Variants in PCID2 observed in about 807,000 individuals in gnomAD.
PCID2 encodes the protein PCI domain containing 2.
A neutral mutation model predicts 61.3 loss-of-function variants in PCID2; 41 were observed. The observed-to-expected ratio is 0.67, with a 90% confidence interval of 0.52 to 0.87. The LOEUF (loss-of-function observed/expected upper bound fraction) is 0.87, where lower values mean the gene tolerates loss of function less well. Among genes scored for constraint, PCID2 ranks in the 40% least tolerant of loss-of-function variants. PCID2 has a pLI of 0.00. For synonymous variants in PCID2, 187 were observed against 177.8 expected, an observed-to-expected ratio of 1.05 and a Z score of -0.41; for missense variants, 392 against 493.4, an observed-to-expected ratio of 0.79 and a Z score of 1.95.
downstream of PCID2, among the ~76,000 whole-genome samples, chr13:113,174,186 C>T (rs955492466): frequency 9.9e-5 from 15 of 151,204 alleles, no homozygotes; most frequent in African/African-American, 2.9e-4. Flanking sequence ...TGCAGTAAAC[C>T]GAGATCATGC....
chr13:113,187,297 G>C (rs751261500), intron 7 of PCID2: 1 of 152,248 alleles, frequency 6.6e-6, no homozygotes, highest in Admixed American at 6.5e-5. Flanking sequence ...CAACGGGAAA[G>C]AGATGTCACT....
chr13:113,200,696 C>CTTTTTTTTTTTT (rs998821979), intron 1 of PCID2, 180 bp from the exon 2 acceptor site: 1 of 211,190 alleles, frequency 4.7e-6, no homozygotes. Context: ...ACAATAATTT[C>CTTTTTTTTTTTT]TTTTTTTTTT....
At chr13:113,166,587 G>A in the PCID2 span, among the ~76,000 whole-genome samples, 3,452 of 152,342 alleles carry the variant, frequency 0.023, 150 homozygotes, top group East Asian at 0.21. Flanking sequence ...CCAAGGTGGA[G>A]AGGAAGAAAC....
At chr13:113,173,526 G>C (rs2037148402), downstream of PCID2, among the ~76,000 whole-genome samples, 1 of 152,176 alleles carries the variant, frequency 6.6e-6, no homozygotes, top group Admixed American at 6.5e-5. Flanking sequence ...CTTGAGTTGA[G>C]AACAATTTAC....
the PCID2 span, among the ~76,000 whole-genome samples, chr13:113,170,959 A>G: frequency 2.2e-4 from 34 of 151,488 alleles, 1 homozygote; most frequent in Admixed American, 2.1e-3. Context: ...GTCTCACTCA[A>G]TCCCTCAGGC....
In PCID2 at chr13:113,208,604, G is replaced by GC; in HGVS notation, c.30dup (p.Gln11AlafsTer22). On this transcript the variant is annotated frameshift_variant, in exon 1 of 14. Transcript: ENST00000337344. LOFTEE classifies it high-confidence loss of function. ...GCTCCCCGGCTAGGACCCACCTGCT[G>GC]CAGGTACTGGTTAATGGTAATGTGC... 3 of 1,606,706 alleles carry GC rather than the reference G, an allele frequency of 1.9e-6. No individual in the cohort carries two copies. The highest frequency in any genetic ancestry group is 2.5e-6 in the Non-Finnish European group (3 of 1,177,070).
chr13:113,180,066 G>A (rs1722997727), intron 11 of PCID2, 24 bp from the exon 12 acceptor site: 1 of 1,613,700 alleles, frequency 6.2e-7, no homozygotes, highest in Admixed American at 1.7e-5. Flanking sequence ...AGGCGCGTCA[G>A]AAGGAGGGTG....
intron 1 of PCID2, among the ~76,000 whole-genome samples, chr13:113,205,158 T>C (rs1465958179): frequency 6.6e-6 from 1 of 152,140 alleles, no homozygotes; most frequent in South Asian, 2.1e-4. Flanking sequence ...TGAAAGACAA[T>C]ATGAAGAACT....
At chr13:113,180,736 A>G (rs1207680941) in intron 10 of PCID2, among the ~76,000 whole-genome samples, 1 of 152,252 alleles carries the variant, frequency 6.6e-6, no homozygotes, top group African/African-American at 2.4e-5. Flanking sequence ...AAGTATCAAA[A>G]ATACATTTTA....
At position 113,180,226 on chromosome 13, in the gene PCID2, G is replaced by C; in HGVS notation, c.792C>G (p.His264Gln). 6.2e-7 allele frequency: 1 copy of C among 1,611,468 alleles called. No individual in the cohort carries two copies. The highest frequency in any genetic ancestry group is 2.2e-5 in the East Asian group (1 of 44,860). ...TTTTCAGGAGCTCCACAGTGGGCAT[G>C]TGACCCTAAGAGTCAATTTTCCAGA... ...YLLPVKMLLG[H>Q]MPTVELLKKY... is the part of the protein sequence containing the mutation. The change falls in exon 11 of 14, where the codon CAC becomes CAG. Residue 264 changes from histidine (H) to glutamine (Q), a missense_variant. His to Gln is a conservative substitution (Grantham distance 24). Around this residue, in one of 3 missense-constraint regions of PCID2, gnomAD observed 226 missense variants for 296.5 expected, o/e 0.76. Transcript: ENST00000337344.
rs114134179 is a variant in PCID2, at chr13:113,205,095, T to C, written c.36+3504A>G. On this transcript the variant is annotated intron_variant, in intron 1 of 13. Transcript: ENST00000337344. The stretch of plus-strand genomic sequence containing the variant: ...AAAAATTCAAAATCATTACAGGTCA[T>C]GAACCTCTGAAGTCACTTCTGAATA... Among the ~76,000 whole-genome samples, 719 of 152,336 alleles carry C rather than the reference T, an allele frequency of 4.7e-3. 5 individuals are homozygous for C. The highest frequency in any genetic ancestry group is 0.016 in the African/African-American group (675 of 41,572).
chr13:113,167,878 G>A, the PCID2 span, among the ~76,000 whole-genome samples: 1 of 152,028 alleles, frequency 6.6e-6, no homozygotes, highest in Non-Finnish European at 1.5e-5. Context: ...CCTTCTGTTA[G>A]ATTAACTATA....
chr13:113,168,248 T>C, the PCID2 span, among the ~76,000 whole-genome samples: 1 of 152,260 alleles, frequency 6.6e-6, no homozygotes, highest in African/African-American at 2.4e-5. Flanking sequence ...TCATAACCTT[T>C]TCCAGTGTTC....
chr13:113,169,318 A>G, the PCID2 span, among the ~76,000 whole-genome samples: 1 of 152,244 alleles, frequency 6.6e-6, no homozygotes, highest in Non-Finnish European at 1.5e-5. Context: ...TTTTAAAAAT[A>G]CGTATTTTTG....
chr13:113,172,175 G>C, the PCID2 span: 3 of 1,573,644 alleles, frequency 1.9e-6, no homozygotes, highest in Non-Finnish European at 8.6e-7. Context: ...TGCCACTGTG[G>C]AGGGCGCTGA....
rs1595137664 is a variant in PCID2, at chr13:113,177,854, A to G, written c.*344T>C. Reference sequence around the variant, plus strand: ...TAAATTCAGAATACGCTTTTTACACAAAGAACTACAAAAAGTTACAAAGAC... The same window carrying G: ...TAAATTCAGAATACGCTTTTTACACGAAGAACTACAAAAAGTTACAAAGAC... On this transcript the variant is annotated 3_prime_UTR_variant, in exon 14 of 14. Coordinates refer to ENST00000337344, the MANE Select transcript of PCID2 (RefSeq NM_001127202.4). The G allele has an allele frequency of 5.5e-6, 1 of 180,360 alleles. No individual in the cohort carries two copies. Among genetic ancestry groups the G allele is most frequent in the East Asian group, 1.5e-4 (1 of 6,830 alleles). The allele number at this position is 180,360 out of a possible 1,614,324, so 11.2% of individuals were successfully genotyped here.
downstream of PCID2, among the ~76,000 whole-genome samples, chr13:113,177,063 G>A (rs112645388): frequency 1.7e-4 from 26 of 152,354 alleles, no homozygotes; most frequent in African/African-American, 5.8e-4. Context: ...ATGCCTCAGC[G>A]TCCACGCAGC....
At position 113,177,863 on chromosome 13, in the gene PCID2, CA is replaced by C. The variant is rs1191836941; in HGVS notation, c.*334del. On this transcript the variant is annotated 3_prime_UTR_variant, in exon 14 of 14. Coordinates refer to ENST00000337344, the MANE Select transcript of PCID2 (RefSeq NM_001127202.4). ...AATACGCTTTTTACACAAAGAACTA[CA>C]AAAAGTTACAAAGACAGCCTTCAGG... 1 of 185,202 alleles carries C rather than the reference CA, an allele frequency of 5.4e-6. No homozygotes were observed. The highest frequency in any genetic ancestry group is 2.4e-5 in the African/African-American group (1 of 42,474). The allele number at this position is 185,202 out of a possible 1,614,324, so 11.5% of individuals were successfully genotyped here. A position where few individuals can be genotyped will look rare whatever the true frequency, so the allele number is the denominator to read the frequency against.
downstream of PCID2, among the ~76,000 whole-genome samples, chr13:113,175,668 C>T (rs1048010199): frequency 1.3e-5 from 2 of 152,198 alleles, no homozygotes; most frequent in East Asian, 1.9e-4. Flanking sequence ...CGACTGCCAG[C>T]GCTGAGGACC....
Sources: gnomAD v4.1 joint callset for allele counts (sites outside exome capture counted in the v4.1 genomes callset) on GRCh38, gnomAD v4.1.1 for gene constraint, gnomAD v4.1.1 regional missense constraint, MANE v1.5 for transcripts, NCBI Gene and HGNC (gene_info 2026-07-23, HGNC 2026-07-21) for gene names.